The following THSD4 variants were observed in gnomAD, a reference collection of about 807,000 sequenced individuals.
THSD4 encodes thrombospondin type 1 domain containing 4, also known as thrombospondin type-1 domain-containing protein 4.
In THSD4, 69 loss-of-function variants were observed where a neutral mutation model predicts 119.0. That is an observed-to-expected ratio of 0.58 (90% CI 0.48 to 0.71). THSD4 has a LOEUF of 0.71. Among genes scored for constraint, THSD4 ranks in the 30% least tolerant of loss-of-function variants. The pLI is 0.00. For missense variants in THSD4, 1,393 were observed against 1,391.1 expected, an observed-to-expected ratio of 1.00 and a Z score of -0.02; for synonymous variants, 524 against 540.4, an observed-to-expected ratio of 0.97 and a Z score of 0.42.
chr15:71,469,236 G>A (rs920738180), intron 7 of THSD4, among the ~76,000 whole-genome samples: 5 of 152,036 alleles, frequency 3.3e-5, no homozygotes, highest in South Asian at 2.1e-4. Flanking sequence ...CTTCTAAACC[G>A]TGCTAACTTC....
At chr15:71,676,351 A>T (rs1024830499) in intron 8 of THSD4, among the ~76,000 whole-genome samples, 2 of 152,080 alleles carry the variant, frequency 1.3e-5, no homozygotes, top group Non-Finnish European at 2.9e-5. Flanking sequence ...GCACGATCTC[A>T]GCTCACTGCA....
At chr15:71,153,520 G>A (rs1436775756) in intron 2 of THSD4, among the ~76,000 whole-genome samples, 1 of 152,202 alleles carries the variant, frequency 6.6e-6, no homozygotes, top group African/African-American at 2.4e-5. Context: ...ACATTGCACA[G>A]TCTCTAGCCA....
chr15:71,479,683 T>G (rs2047701456), intron 7 of THSD4, among the ~76,000 whole-genome samples: 1 of 152,210 alleles, frequency 6.6e-6, no homozygotes, highest in Non-Finnish European at 1.5e-5. Context: ...AGCTTTTAGT[T>G]GCCAGATTTT....
chr15:71,584,746 G>A (rs2049630955), intron 7 of THSD4, among the ~76,000 whole-genome samples: 1 of 152,042 alleles, frequency 6.6e-6, no homozygotes, highest in Non-Finnish European at 1.5e-5. Context: ...ACTGTTAATT[G>A]TTTCTGTTTT....
chr15:71,210,083 A>G (rs1439158004), intron 3 of THSD4, among the ~76,000 whole-genome samples: 1 of 152,210 alleles, frequency 6.6e-6, no homozygotes, highest in Non-Finnish European at 1.5e-5. Context: ...TTTAAACGCT[A>G]TCACTCCAAT....
intron 1 of THSD4, among the ~76,000 whole-genome samples, chr15:71,121,790 AGG>A: frequency 6.6e-6 from 1 of 152,068 alleles, no homozygotes; most frequent in Non-Finnish European, 1.5e-5. Flanking sequence ...GAGGAAAATC[AGG>A]AGCCGTGGAG....
chr15:71,712,866 A>C (rs1245211573), intron 8 of THSD4, among the ~76,000 whole-genome samples: 2 of 152,224 alleles, frequency 1.3e-5, no homozygotes, highest in Non-Finnish European at 2.9e-5. Context: ...TTGTTATGAC[A>C]TTCTGGAAAA....
At chr15:71,717,082 G>A (rs1031079053) in intron 8 of THSD4, among the ~76,000 whole-genome samples, 30 of 152,198 alleles carry the variant, frequency 2.0e-4, no homozygotes, top group African/African-American at 7.2e-4. Context: ...TGTGAGCCCT[G>A]ATAAGATACT....
intron 7 of THSD4, among the ~76,000 whole-genome samples, chr15:71,587,623 T>G: frequency 9.3e-6 from 1 of 107,172 alleles, no homozygotes; most frequent in African/African-American, 3.0e-5. Flanking sequence ...GGGACTGTGG[T>G]GGGGTCGGGG....
chr15:71,294,186 C>T (rs112491701), intron 6 of THSD4, among the ~76,000 whole-genome samples: 1,529 of 152,288 alleles, frequency 0.01, 9 homozygotes, highest in Middle Eastern at 0.017. Flanking sequence ...TCCAAGCCTA[C>T]GCCTGTGCTG....
chr15:71,370,172 T>C (rs1428515222), intron 6 of THSD4, among the ~76,000 whole-genome samples: 1 of 152,180 alleles, frequency 6.6e-6, no homozygotes, highest in Non-Finnish European at 1.5e-5. Flanking sequence ...TTCTTCTCTC[T>C]TTTCTTCTTT....
At chr15:71,452,679 G>A (rs1248013007) in intron 7 of THSD4, among the ~76,000 whole-genome samples, 2 of 152,048 alleles carry the variant, frequency 1.3e-5, no homozygotes, top group Non-Finnish European at 2.9e-5. Flanking sequence ...GCAGTAGCGC[G>A]ATCTCTGCTC....
chr15:71,729,370 G>A (rs1399959915), intron 9 of THSD4: 3 of 152,284 alleles, frequency 2.0e-5, no homozygotes, highest in Non-Finnish European at 4.4e-5. Flanking sequence ...AAAAGACCAG[G>A]AAATAAAGGG....
At chr15:71,554,783 A>G (rs2048992948) in intron 7 of THSD4, among the ~76,000 whole-genome samples, 1 of 151,262 alleles carries the variant, frequency 6.6e-6, no homozygotes, top group African/African-American at 2.4e-5. Flanking sequence ...CCAGCTCTTT[A>G]GTGGAGTGAT....
intron 3 of THSD4, among the ~76,000 whole-genome samples, chr15:71,195,707 C>T (rs926834487): frequency 9.9e-5 from 15 of 151,956 alleles, no homozygotes; most frequent in Non-Finnish European, 1.8e-4. Context: ...GTGGTATTGT[C>T]GGAGGGTTGC....
intron 1 of THSD4, among the ~76,000 whole-genome samples, chr15:71,129,538 T>TG (rs199618468): frequency 0.02 from 3,004 of 152,312 alleles, 159 homozygotes; most frequent in Admixed American, 0.12. Context: ...TCTTGACCTC[T>TG]GGGGGACCCT....
chr15:71,261,256 C>A (rs553006453), intron 6 of THSD4, among the ~76,000 whole-genome samples: 6 of 152,072 alleles, frequency 3.9e-5, no homozygotes, highest in Admixed American at 6.6e-5. Context: ...CATGTGAAGG[C>A]AGAGGCAGAG....
At chr15:71,515,648 G>A (rs1489560817) in intron 7 of THSD4, among the ~76,000 whole-genome samples, 1 of 152,160 alleles carries the variant, frequency 6.6e-6, no homozygotes, top group Non-Finnish European at 1.5e-5. Flanking sequence ...AATTAAGCGT[G>A]GCAGGCCTTT....
intron 7 of THSD4, among the ~76,000 whole-genome samples, chr15:71,572,241 A>G (rs1032946763): frequency 2.0e-5 from 3 of 152,214 alleles, no homozygotes; most frequent in Non-Finnish European, 4.4e-5. Flanking sequence ...GAGAGTAGCT[A>G]TATTAAATAG....
Sources: allele counts gnomAD v4.1 joint callset (sites outside exome capture counted in the v4.1 genomes callset), GRCh38; gene constraint gnomAD v4.1.1; transcripts MANE v1.5; gene names NCBI Gene and HGNC (gene_info 2026-07-23, HGNC 2026-07-21).